MTUS2: variants seen among roughly 807,000 people sequenced by gnomAD.
The protein encoded by MTUS2 is microtubule-associated tumor suppressor candidate 2.
MTUS2 carries 40 observed loss-of-function variants against 114.1 expected under a neutral mutation model. The observed-to-expected ratio is 0.35, with a 90% CI of 0.27 to 0.46. The LOEUF (loss-of-function observed/expected upper bound fraction) is 0.46, where lower values mean the gene tolerates loss of function less well. Among genes scored for constraint, MTUS2 ranks in the 20% least tolerant of loss-of-function variants. MTUS2 has a pLI of 1.00. For synonymous variants in MTUS2, 688 were observed against 672.0 expected, an observed-to-expected ratio of 1.02 and a Z score of -0.37; for missense variants, 1,679 against 1,705.4, an observed-to-expected ratio of 0.98 and a Z score of 0.27.
At chr13:29,106,942 A>C (rs1890695018) in intron 5 of MTUS2, among the ~76,000 whole-genome samples, 2 of 151,902 alleles carry the variant, frequency 1.3e-5, no homozygotes, top group Admixed American at 1.3e-4. Flanking sequence ...ACTCCCAACT[A>C]GCCAAATGTG....
intron 5 of MTUS2, among the ~76,000 whole-genome samples, chr13:29,107,291 C>T (rs938660382): frequency 6.6e-6 from 1 of 151,976 alleles, no homozygotes; most frequent in Non-Finnish European, 1.5e-5. Context: ...GGCTATGCCT[C>T]TTAATAATTT....
chr13:28,893,550 C>T (rs1161438217), intron 2 of MTUS2, among the ~76,000 whole-genome samples: 1 of 152,112 alleles, frequency 6.6e-6, no homozygotes, highest in Non-Finnish European at 1.5e-5. Context: ...TCGTTATGTA[C>T]GTTTCTATTG....
chr13:29,029,727 G>A (rs1886727424), intron 3 of MTUS2, among the ~76,000 whole-genome samples: 1 of 152,188 alleles, frequency 6.6e-6, no homozygotes, highest in African/African-American at 2.4e-5. Context: ...AAGAAGAAGG[G>A]GAACCACGTG....
chr13:29,184,775 T>C (rs1244397732), intron 5 of MTUS2, among the ~76,000 whole-genome samples: 8 of 152,044 alleles, frequency 5.3e-5, no homozygotes, highest in Non-Finnish European at 1.2e-4. Context: ...ACAACAAACC[T>C]TGGGGAATGA....
At chr13:29,198,546 A>G (rs572799955) in intron 5 of MTUS2, among the ~76,000 whole-genome samples, 120 of 152,278 alleles carry the variant, frequency 7.9e-4, no homozygotes, top group African/African-American at 2.9e-3. Flanking sequence ...TGTCTTGGCT[A>G]TCTGGGCTTT....
At chr13:29,010,015 G>A (rs1184820321) in intron 2 of MTUS2, among the ~76,000 whole-genome samples, 2 of 151,978 alleles carry the variant, frequency 1.3e-5, no homozygotes, top group African/African-American at 4.8e-5. Context: ...TTCGAGACCA[G>A]CCTGGCCAAT....
intron 6 of MTUS2, among the ~76,000 whole-genome samples, chr13:29,284,075 G>C (rs538064775): frequency 4.6e-5 from 7 of 152,194 alleles, no homozygotes; most frequent in African/African-American, 1.4e-4. Context: ...CTTTCCCAAA[G>C]GTAGACTGAC....
At chr13:29,353,733 A>C (rs1332399756) in intron 7 of MTUS2, among the ~76,000 whole-genome samples, 1 of 152,192 alleles carries the variant, frequency 6.6e-6, no homozygotes, top group East Asian at 1.9e-4. Flanking sequence ...ATTTTTCTAC[A>C]CTACTGAGCA....
chr13:29,230,108 T>C (rs1896266830), intron 5 of MTUS2, among the ~76,000 whole-genome samples: 1 of 152,094 alleles, frequency 6.6e-6, no homozygotes, highest in African/African-American at 2.4e-5. Context: ...TAGCCGGGCA[T>C]GGTGGTGGGC....
chr13:28,879,310 C>G (rs1316672043), intron 2 of MTUS2, among the ~76,000 whole-genome samples: 1 of 152,082 alleles, frequency 6.6e-6, no homozygotes, highest in Non-Finnish European at 1.5e-5. Flanking sequence ...ATATGTTTTC[C>G]TTAAGTGCCT....
intron 13 of MTUS2, 27 bp downstream of exon 13, chr13:29,497,363 C>T: frequency 6.3e-7 from 1 of 1,591,990 alleles, no homozygotes; most frequent in Middle Eastern, 2.3e-4. Flanking sequence ...AGGCTTCCAG[C>T]CCCGCAGGAA....
At chr13:29,340,197 G>A (rs531885157) in intron 7 of MTUS2, among the ~76,000 whole-genome samples, 1 of 152,186 alleles carries the variant, frequency 6.6e-6, no homozygotes, top group Non-Finnish European at 1.5e-5. Flanking sequence ...TCTGGGGGAC[G>A]AGGGAAGCTC....
At chr13:29,430,034 T>C (rs146554507) in intron 8 of MTUS2, among the ~76,000 whole-genome samples, 3 of 152,354 alleles carry the variant, frequency 2.0e-5, no homozygotes, top group African/African-American at 7.2e-5. Flanking sequence ...AAAATATTTA[T>C]ATACACATTT....
chr13:29,218,430 T>A (rs1456139400), intron 5 of MTUS2, among the ~76,000 whole-genome samples: 1 of 152,224 alleles, frequency 6.6e-6, no homozygotes, highest in African/African-American at 2.4e-5. Context: ...GCTGTTAATT[T>A]GAATATTTTG....
At chr13:29,252,146 A>G (rs1023290894) in intron 5 of MTUS2, among the ~76,000 whole-genome samples, 2 of 152,162 alleles carry the variant, frequency 1.3e-5, no homozygotes, top group Non-Finnish European at 2.9e-5. Flanking sequence ...AACTAACTTT[A>G]CAGGTAATAG....
chr13:28,981,793 C>T (rs148648141), intron 2 of MTUS2, among the ~76,000 whole-genome samples: 9 of 152,278 alleles, frequency 5.9e-5, no homozygotes, highest in South Asian at 2.1e-4. Flanking sequence ...GGTACTCTAA[C>T]GCTTCATCTG....
intron 5 of MTUS2, among the ~76,000 whole-genome samples, chr13:29,165,336 A>C (rs1893272100): frequency 6.6e-6 from 1 of 152,120 alleles, no homozygotes; most frequent in Admixed American, 6.5e-5. Context: ...CTTCGCCACC[A>C]TCTCACCACA....
At position 28,898,991 on chromosome 13, in the gene MTUS2, C is replaced by T. The variant is rs114534660; in HGVS notation, c.-243+59141C>T. On this transcript the variant is annotated intron_variant, in intron 2 of 15. Transcript: ENST00000612955. ...CAAATAATTCAAATTCCCTTTCCTC[C>T]CACCTTTTTTCAGTGTCTACCACAA... Among the ~76,000 whole-genome samples, 549 of 152,240 alleles carry T rather than the reference C, an allele frequency of 3.6e-3. 5 individuals carry two copies. The highest frequency in any genetic ancestry group is 0.013 in the African/African-American group (539 of 41,550).
chr13:29,040,426 C>T (rs374491959), intron 4 of MTUS2, among the ~76,000 whole-genome samples: 2 of 152,236 alleles, frequency 1.3e-5, no homozygotes, highest in South Asian at 2.1e-4. Flanking sequence ...CTATTATAAA[C>T]GTGTGTGCAA....
Sources: allele counts gnomAD v4.1 joint callset (sites outside exome capture counted in the v4.1 genomes callset), GRCh38; gene constraint gnomAD v4.1.1; transcripts MANE v1.5; gene names NCBI Gene and HGNC (gene_info 2026-07-23, HGNC 2026-07-21).